The following EHBP1 variants were observed in gnomAD, a reference collection of about 807,000 sequenced individuals.
EHBP1 encodes EH domain binding protein 1.
EHBP1 carries 55 observed loss-of-function variants against 144.0 expected under a neutral mutation model. The observed-to-expected ratio is 0.38, with a 90% CI of 0.31 to 0.48. EHBP1 has a LOEUF of 0.48. Ranked by LOEUF, EHBP1 falls within the 20% of genes least tolerant of loss-of-function variation. The pLI, the probability that EHBP1 is intolerant of heterozygous loss-of-function variation, is 0.98. For missense variants in EHBP1, 1,200 were observed against 1,364.2 expected, an observed-to-expected ratio of 0.88 and a Z score of 1.90; for synonymous variants, 469 against 472.7, an observed-to-expected ratio of 0.99 and a Z score of 0.10.
At chr2:63,007,061 A>G (rs2060068663) in intron 19 of EHBP1, among the ~76,000 whole-genome samples, 1 of 151,910 alleles carries the variant, frequency 6.6e-6, no homozygotes, top group Non-Finnish European at 1.5e-5. Flanking sequence ...CTTAACATTA[A>G]TTATTGTAAC....
chr2:62,928,530 A>G (rs1025020087), intron 10 of EHBP1, among the ~76,000 whole-genome samples: 3 of 152,168 alleles, frequency 2.0e-5, no homozygotes, highest in African/African-American at 4.8e-5. Flanking sequence ...AGCAAATTGT[A>G]ATGGAAGATG....
chr2:62,915,233 A>G (rs1317325564), intron 10 of EHBP1, among the ~76,000 whole-genome samples: 1 of 152,102 alleles, frequency 6.6e-6, no homozygotes, highest in Non-Finnish European at 1.5e-5. Context: ...CTGTGATTGC[A>G]TAGTTTTTAA....
At chr2:63,004,802 A>G (rs1213366877) in intron 19 of EHBP1, among the ~76,000 whole-genome samples, 2 of 152,122 alleles carry the variant, frequency 1.3e-5, no homozygotes, top group Non-Finnish European at 2.9e-5. Flanking sequence ...CTGAAATTAC[A>G]TGTACACCAA....
chr2:62,745,480 TGGAAGA>T (rs996902091), intron 2 of EHBP1, among the ~76,000 whole-genome samples: 5 of 151,794 alleles, frequency 3.3e-5, no homozygotes, highest in Non-Finnish European at 7.4e-5. Flanking sequence ...GGTAGAAAAA[TGGAAGA>T]GGAAGTTTTT....
intron 2 of EHBP1, among the ~76,000 whole-genome samples, chr2:62,725,200 G>C (rs541827998): frequency 8.8e-4 from 134 of 152,306 alleles, no homozygotes; most frequent in African/African-American, 3.2e-3. Context: ...GGGTGGTGTT[G>C]GCCAAAGTGT....
chr2:62,839,257 T>C (rs2047580661), intron 7 of EHBP1, among the ~76,000 whole-genome samples: 1 of 152,074 alleles, frequency 6.6e-6, no homozygotes, highest in South Asian at 2.1e-4. Context: ...ATTATCTCAA[T>C]AGATGCGGAA....
intron 9 of EHBP1, among the ~76,000 whole-genome samples, chr2:62,873,143 A>G (rs1040870840): frequency 7.9e-5 from 12 of 152,184 alleles, no homozygotes; most frequent in African/African-American, 2.7e-4. Context: ...CTGAACTCAC[A>G]ATATAGAATT....
chr2:62,951,303 A>T (rs866964505), intron 13 of EHBP1, among the ~76,000 whole-genome samples: 16 of 152,264 alleles, frequency 1.1e-4, no homozygotes, highest in African/African-American at 3.9e-4. Context: ...TCAAGAAAGA[A>T]TTTATATCTT....
At chr2:62,974,922 TA>T (rs956930737) in intron 14 of EHBP1, among the ~76,000 whole-genome samples, 61 of 149,692 alleles carry the variant, frequency 4.1e-4, no homozygotes, top group Middle Eastern at 7.0e-3. Flanking sequence ...CTTAGTGACG[TA>T]AAAAAAAAAT....
intron 10 of EHBP1, among the ~76,000 whole-genome samples, chr2:62,924,388 T>C (rs1345007913): frequency 6.6e-6 from 1 of 151,956 alleles, no homozygotes. Flanking sequence ...ATAAATGAAA[T>C]TGAGACTGAA....
intron 1 of EHBP1, among the ~76,000 whole-genome samples, chr2:62,688,721 C>A (rs1176168618): frequency 6.6e-6 from 1 of 151,954 alleles, no homozygotes; most frequent in Non-Finnish European, 1.5e-5. Context: ...TGAGAACAGG[C>A]AATGTTTAAC....
At chr2:62,840,364 A>T (rs10186938) in intron 7 of EHBP1, among the ~76,000 whole-genome samples, 125 of 102,058 alleles carry the variant, frequency 1.2e-3, no homozygotes, top group African/African-American at 2.4e-3. Flanking sequence ...ACTGAAACAT[A>T]AGACCTAAAA....
At chr2:62,859,734 G>A (rs1316239745) in intron 8 of EHBP1, among the ~76,000 whole-genome samples, 1 of 152,158 alleles carries the variant, frequency 6.6e-6, no homozygotes, top group African/African-American at 2.4e-5. Context: ...GGAGCAGAGA[G>A]TAGGTTAAGA....
chr2:62,923,094 G>A (rs768212887), intron 10 of EHBP1, among the ~76,000 whole-genome samples: 2 of 152,138 alleles, frequency 1.3e-5, no homozygotes, highest in Non-Finnish European at 2.9e-5. Flanking sequence ...CCTCTGAAGT[G>A]TGCCCTTCTC....
At chr2:63,040,301 A>G (rs1209254557) in intron 21 of EHBP1, among the ~76,000 whole-genome samples, 1 of 152,096 alleles carries the variant, frequency 6.6e-6, no homozygotes, top group Non-Finnish European at 1.5e-5. Context: ...AAAAAGATAA[A>G]CTATCCCCAA....
intron 4 of EHBP1, 92 bp from the exon 5 acceptor site, chr2:62,771,247 C>A: frequency 4.9e-6 from 4 of 822,600 alleles, no homozygotes; most frequent in African/African-American, 1.8e-5. Flanking sequence ...CTAGTAAAAG[C>A]TAAAAACAAG....
At chr2:62,812,090 C>T (rs1412918569) in intron 5 of EHBP1, among the ~76,000 whole-genome samples, 6 of 152,132 alleles carry the variant, frequency 3.9e-5, no homozygotes, top group Non-Finnish European at 5.9e-5. Context: ...CCCTCTTTCT[C>T]TTGCTCTCAT....
chr2:62,899,830 T>G (rs2053250430), intron 10 of EHBP1, among the ~76,000 whole-genome samples: 1 of 152,230 alleles, frequency 6.6e-6, no homozygotes, highest in Admixed American at 6.5e-5. Context: ...CATAGCAATT[T>G]CTTACATTTA....
At chr2:62,829,760 A>G (rs1008536536) in intron 6 of EHBP1, among the ~76,000 whole-genome samples, 3 of 147,186 alleles carry the variant, frequency 2.0e-5, no homozygotes, top group Admixed American at 6.8e-5. Context: ...TATGTATATT[A>G]TACATATATA....
Sources: allele counts gnomAD v4.1 joint callset (sites outside exome capture counted in the v4.1 genomes callset), GRCh38; gene constraint gnomAD v4.1.1; transcripts MANE v1.5; gene names NCBI Gene and HGNC (gene_info 2026-07-23, HGNC 2026-07-21).